RALYL: variants seen among roughly 807,000 people sequenced by gnomAD.
The protein encoded by RALYL is RALY RNA binding protein like.
A neutral mutation model predicts 35.1 loss-of-function variants in RALYL; 29 were observed. The observed-to-expected ratio is 0.83, with a 90% CI of 0.61 to 1.13. The LOEUF is 1.13. Among genes scored for constraint, RALYL ranks in the 50% most tolerant of loss-of-function variants. RALYL has a pLI of 0.00. For synonymous variants in RALYL, 120 were observed against 127.6 expected (o/e 0.94, Z 0.40); for missense variants, 359 against 360.4 (o/e 1.00, Z 0.03).
rs569117190 is a variant in RALYL at position 84,544,206 on chromosome 8, T to A, written c.256+14629T>A. ...TAATGTTTGATTATTATACTTGCTT[T>A]TCTTTAATTTTTTACAACCATATAT... On this transcript the variant is annotated intron_variant, in intron 2 of 8. Transcript: ENST00000521268. Among the ~76,000 whole-genome samples, 4 of 152,140 alleles carry A rather than the reference T, an allele frequency of 2.6e-5. No individual in the cohort carries two copies. In the East Asian group the frequency reaches 7.7e-4, roughly 29 times the overall value.
Position 84,590,701 on chromosome 8 carries a change from A to T in RALYL, c.256+61124A>T, listed in dbSNP as rs1386015778. Reference sequence around the variant, plus strand: ...AAATAATGGAATTGACTGCTTTGTAATGGGGTGAGTTTTCTTCCTGGTGTC... The same window carrying T: ...AAATAATGGAATTGACTGCTTTGTATTGGGGTGAGTTTTCTTCCTGGTGTC... On this transcript the variant is annotated intron_variant, in intron 2 of 8. Coordinates refer to ENST00000521268, the MANE Select transcript of RALYL (RefSeq NM_173848.7). Among the ~76,000 whole-genome samples the T allele has an allele frequency of 2.6e-5, 4 of 152,296 alleles. No homozygotes were observed. The South Asian group carries it at 6.2e-4, about 24-fold the overall frequency.
At chr8:84,324,091 G>T (rs1318895463) in intron 1 of RALYL, among the ~76,000 whole-genome samples, 1 of 151,990 alleles carries the variant, frequency 6.6e-6, no homozygotes, top group Non-Finnish European at 1.5e-5. Context: ...TAGTGTGTGG[G>T]CTGTGAATAA....
chr8:84,425,779 T>A (rs1476003400), intron 1 of RALYL, among the ~76,000 whole-genome samples: 1 of 134,170 alleles, frequency 7.5e-6, no homozygotes, highest in Non-Finnish European at 1.5e-5. Flanking sequence ...AGCCAGTTTT[T>A]CTTCTGTGTG....
intron 1 of RALYL, among the ~76,000 whole-genome samples, chr8:84,461,422 A>C (rs2050760504): frequency 6.6e-6 from 1 of 151,728 alleles, no homozygotes; most frequent in African/African-American, 2.4e-5. Flanking sequence ...CACGGAATTC[A>C]CAAGTAAAAT....
At chr8:84,687,527 T>C (rs1837064980) in intron 2 of RALYL, among the ~76,000 whole-genome samples, 2 of 152,136 alleles carry the variant, frequency 1.3e-5, no homozygotes, top group Admixed American at 1.3e-4. Flanking sequence ...TTGAGAACAC[T>C]GAAATCTAAG....
intron 4 of RALYL, among the ~76,000 whole-genome samples, chr8:84,831,478 C>A (rs1176695751): frequency 6.6e-6 from 1 of 152,092 alleles, no homozygotes; most frequent in East Asian, 1.9e-4. Flanking sequence ...AGTCACTCAC[C>A]TGGTTTTGTC....
intron 1 of RALYL, among the ~76,000 whole-genome samples, chr8:84,380,125 G>T (rs1244108847): frequency 1.3e-5 from 2 of 151,010 alleles, no homozygotes; most frequent in Non-Finnish European, 3.0e-5. Context: ...CATGCGTTTT[G>T]GTTTCAGACC....
At chr8:84,874,272 C>A (rs544764011) in intron 7 of RALYL, among the ~76,000 whole-genome samples, 1 of 152,076 alleles carries the variant, frequency 6.6e-6, no homozygotes, top group Non-Finnish European at 1.5e-5. Flanking sequence ...AGTTCCATTT[C>A]TTATAAAATA....
intron 1 of RALYL, among the ~76,000 whole-genome samples, chr8:84,218,425 A>G (rs1821356529): frequency 6.6e-6 from 1 of 152,100 alleles, no homozygotes; most frequent in African/African-American, 2.4e-5. Context: ...TGTCAGTTCA[A>G]CTGTGACATG....
intron 1 of RALYL, among the ~76,000 whole-genome samples, chr8:84,201,702 G>A (rs1300736524): frequency 6.6e-6 from 1 of 151,800 alleles, no homozygotes; most frequent in Non-Finnish European, 1.5e-5. Flanking sequence ...AGCTGGGGCT[G>A]CAGGTGTGTG....
intron 1 of RALYL, among the ~76,000 whole-genome samples, chr8:84,450,882 A>AAATTGAT (rs2049393985): frequency 6.6e-6 from 1 of 152,026 alleles, no homozygotes; most frequent in Non-Finnish European, 1.5e-5. Context: ...AGACATTAAA[A>AAATTGAT]AATTGATAAT....
intron 8 of RALYL, among the ~76,000 whole-genome samples, chr8:84,891,494 T>C (rs1685890717): frequency 6.6e-6 from 1 of 152,162 alleles, no homozygotes; most frequent in Non-Finnish European, 1.5e-5. Context: ...ATCCAAACCA[T>C]GGTATCTGGA....
rs529762267 is a variant in RALYL, at chr8:84,243,206, G to C, written c.-24+58782G>C. ...TCTGTTTTTGTACCAATACCATGCT[G>C]TTTGGTTACTGTAGCCTTGTATAGT... On this transcript the variant is annotated intron_variant, in intron 1 of 8. Coordinates refer to ENST00000521268, the MANE Select transcript of RALYL (RefSeq NM_173848.7). Among the ~76,000 whole-genome samples, 33 of 152,204 alleles carry C rather than the reference G, an allele frequency of 2.2e-4. No individual in the cohort carries two copies. The East Asian group carries it at 4.8e-3, about 22-fold the overall frequency.
At chr8:84,463,523 A>C (rs1299816668) in intron 1 of RALYL, among the ~76,000 whole-genome samples, 1 of 152,048 alleles carries the variant, frequency 6.6e-6, no homozygotes, top group African/African-American at 2.4e-5. Context: ...AAGGTATCCA[A>C]AGAGGCAATG....
chr8:84,538,326 A>C (rs1285120265), intron 2 of RALYL, among the ~76,000 whole-genome samples: 1 of 152,204 alleles, frequency 6.6e-6, no homozygotes, highest in Non-Finnish European at 1.5e-5. Context: ...TATTAGTTCT[A>C]ACTTGCTTGT....
intron 2 of RALYL, among the ~76,000 whole-genome samples, chr8:84,726,691 A>G (rs1845024640): frequency 2.0e-5 from 3 of 151,988 alleles, no homozygotes; most frequent in Non-Finnish European, 2.9e-5. Context: ...ATAATTTGCT[A>G]TATTTGTCCT....
chr8:84,849,538 C>G (rs968246618), intron 4 of RALYL, among the ~76,000 whole-genome samples: 1 of 151,356 alleles, frequency 6.6e-6, no homozygotes, highest in Non-Finnish European at 1.5e-5. Flanking sequence ...TCATTCATAC[C>G]TAATTAAAAG....
At chr8:84,441,022 T>C (rs2048274463) in intron 1 of RALYL, among the ~76,000 whole-genome samples, 1 of 152,070 alleles carries the variant, frequency 6.6e-6, no homozygotes, top group South Asian at 2.1e-4. Flanking sequence ...CACATTCTCT[T>C]TGTTACTTAC....
intron 2 of RALYL, among the ~76,000 whole-genome samples, chr8:84,721,775 T>C (rs146728647): frequency 0.017 from 2,517 of 152,228 alleles, 71 homozygotes; most frequent in African/African-American, 0.057. Context: ...TAAGACTTCA[T>C]GTCATATAAT....
Sources: allele counts gnomAD v4.1 joint callset (sites outside exome capture counted in the v4.1 genomes callset), GRCh38; gene constraint gnomAD v4.1.1; transcripts MANE v1.5; gene names NCBI Gene and HGNC (gene_info 2026-07-23, HGNC 2026-07-21).